FHIT: variants seen among roughly 807,000 people sequenced by gnomAD.
FHIT encodes the protein bis(5'-adenosyl)-triphosphatase.
FHIT carries 19 observed loss-of-function variants against 17.9 expected under a neutral mutation model. That is an observed-to-expected ratio of 1.06 (90% CI 0.74 to 1.56). The LOEUF is 1.56. Ranked by LOEUF, FHIT falls within the 40% of genes most tolerant of loss-of-function variation. The pLI is 0.00. For missense variants in FHIT, 248 were observed against 189.2 expected, an observed-to-expected ratio of 1.31 and a Z score of -1.82; for synonymous variants, 81 against 69.7, an observed-to-expected ratio of 1.16 and a Z score of -0.81.
chr3:60,697,969 A>C (rs2041152579), intron 4 of FHIT, among the ~76,000 whole-genome samples: 1 of 152,204 alleles, frequency 6.6e-6, no homozygotes. Flanking sequence ...TCAAATAGGT[A>C]AAATGGATGC....
At chr3:60,002,773 A>G (rs1056978222) in intron 7 of FHIT, among the ~76,000 whole-genome samples, 2 of 152,142 alleles carry the variant, frequency 1.3e-5, no homozygotes, top group Non-Finnish European at 2.9e-5. Context: ...TGACTTTGGC[A>G]TAAAGGGTAA....
At chr3:61,061,708 G>C (rs993303975) in intron 2 of FHIT, among the ~76,000 whole-genome samples, 5 of 152,168 alleles carry the variant, frequency 3.3e-5, no homozygotes, top group Middle Eastern at 3.4e-3. Flanking sequence ...TGTCCCTCGG[G>C]AGGAATATTG....
chr3:60,044,186 A>G (rs147571458), intron 5 of FHIT, among the ~76,000 whole-genome samples: 1 of 152,332 alleles, frequency 6.6e-6, no homozygotes, highest in East Asian at 1.9e-4. Flanking sequence ...TCAGGAAAAC[A>G]TGGGTTTGCT....
chr3:61,189,957 G>A (rs1355763794), intron 2 of FHIT, among the ~76,000 whole-genome samples: 1 of 152,182 alleles, frequency 6.6e-6, no homozygotes, highest in Non-Finnish European at 1.5e-5. Context: ...AGACTTAAAT[G>A]TTAGACCTAA....
In FHIT at chr3:60,019,726, T is replaced by C. The variant is rs144247576; in HGVS notation, c.104-5574A>G. ...AGCCGCCGTGCCCAGCCGAGATGGA[T>C]CTTAAACATCAACTACTCCAATACC... is the stretch of plus-strand genomic sequence containing the variant. On this transcript the variant is annotated intron_variant, in intron 5 of 9. Coordinates refer to ENST00000492590, the MANE Select transcript of FHIT (RefSeq NM_002012.4). Among the ~76,000 whole-genome samples the C allele has an allele frequency of 5.2e-3, 798 of 152,220 alleles. 12 individuals are homozygous for C. Among genetic ancestry groups the C allele is most frequent in the African/African-American group, 0.019 (771 of 41,520 alleles).
chr3:60,677,446 A>G (rs13086029), intron 4 of FHIT, among the ~76,000 whole-genome samples: 130,355 of 152,166 alleles, frequency 0.86, 56,255 homozygotes, highest in Non-Finnish European at 0.91. Context: ...TAAGATAATG[A>G]CCTCCTATTC....
At chr3:60,062,096 C>T (rs1303909211) in intron 5 of FHIT, among the ~76,000 whole-genome samples, 1 of 152,126 alleles carries the variant, frequency 6.6e-6, no homozygotes, top group East Asian at 1.9e-4. Flanking sequence ...TAGGTTATTA[C>T]CAGAAAGGTA....
chr3:60,824,886 T>A (rs933927277), intron 3 of FHIT, among the ~76,000 whole-genome samples: 5 of 152,206 alleles, frequency 3.3e-5, no homozygotes, highest in African/African-American at 4.8e-5. Context: ...TGTAAGTCCA[T>A]TAAACTTCTT....
chr3:59,791,787 A>C (rs1214887317), intron 8 of FHIT, among the ~76,000 whole-genome samples: 1 of 152,176 alleles, frequency 6.6e-6, no homozygotes, highest in East Asian at 1.9e-4. Context: ...GACCCTGTCA[A>C]TAAGGGCTAT....
At chr3:61,014,779 C>CAAAAAAAA (rs869289360) in intron 3 of FHIT, among the ~76,000 whole-genome samples, 16 of 65,804 alleles carry the variant, frequency 2.4e-4, no homozygotes, top group East Asian at 8.4e-4. Context: ...GACTCTGCCT[C>CAAAAAAAA]AAAAAAAAAA....
chr3:60,192,298 G>C (rs1406253738), intron 5 of FHIT, among the ~76,000 whole-genome samples: 1 of 151,212 alleles, frequency 6.6e-6, no homozygotes, highest in Admixed American at 6.6e-5. Context: ...AAAGTTCAAT[G>C]GCCTTTGAAA....
chr3:60,680,191 A>G (rs573213736), intron 4 of FHIT, among the ~76,000 whole-genome samples: 1 of 152,166 alleles, frequency 6.6e-6, no homozygotes, highest in African/African-American at 2.4e-5. Flanking sequence ...TTGCTTTACA[A>G]CCTCTCCAAC....
At chr3:60,921,541 T>C (rs1278538613) in intron 3 of FHIT, among the ~76,000 whole-genome samples, 2 of 152,240 alleles carry the variant, frequency 1.3e-5, no homozygotes, top group Admixed American at 6.5e-5. Context: ...CATGTAAATA[T>C]ATTCATGATA....
At chr3:60,196,366 C>T (rs140983293) in intron 5 of FHIT, among the ~76,000 whole-genome samples, 21 of 152,282 alleles carry the variant, frequency 1.4e-4, no homozygotes, top group Middle Eastern at 3.4e-3. Context: ...CCTGCTCACA[C>T]CACAACACTC....
chr3:60,955,608 A>ATATATGTATATATATATG (rs1559862230), intron 3 of FHIT, among the ~76,000 whole-genome samples: 2 of 9,672 alleles, frequency 2.1e-4, no homozygotes, highest in Admixed American at 2.1e-3. Flanking sequence ...ATATATATAT[A>ATATATGTATATATATATG]TATATATATA....
At chr3:60,980,099 C>T (rs1401949808) in intron 3 of FHIT, among the ~76,000 whole-genome samples, 1 of 152,194 alleles carries the variant, frequency 6.6e-6, no homozygotes, top group Non-Finnish European at 1.5e-5. Flanking sequence ...ATGCACTGAG[C>T]GTCTTCCTTA....
At chr3:60,125,857 A>C (rs1705524562) in intron 5 of FHIT, among the ~76,000 whole-genome samples, 1 of 152,150 alleles carries the variant, frequency 6.6e-6, no homozygotes, top group Non-Finnish European at 1.5e-5. Flanking sequence ...AAACAATCTA[A>C]TCCAACTACC....
chr3:60,235,431 C>T (rs899180892), intron 5 of FHIT, among the ~76,000 whole-genome samples: 3 of 152,014 alleles, frequency 2.0e-5, no homozygotes, highest in Admixed American at 6.5e-5. Context: ...AGGGTTTCAC[C>T]GTGATGGCCA....
chr3:61,000,751 G>A (rs535956999), intron 3 of FHIT, among the ~76,000 whole-genome samples: 5 of 152,086 alleles, frequency 3.3e-5, no homozygotes, highest in Non-Finnish European at 7.3e-5. Context: ...TCCAGAGACG[G>A]CTGCAACCCC....
Sources: gnomAD v4.1 joint callset for allele counts (sites outside exome capture counted in the v4.1 genomes callset) on GRCh38, gnomAD v4.1.1 for gene constraint, MANE v1.5 for transcripts, NCBI Gene and HGNC (gene_info 2026-07-23, HGNC 2026-07-21) for gene names.